The following SLMAP variants were observed in gnomAD, a reference collection of about 807,000 sequenced individuals.
SLMAP encodes sarcolemma associated protein, also known as sarcolemmal membrane-associated protein.
SLMAP carries 44 observed loss-of-function variants against 128.8 expected under a neutral mutation model. That is an observed-to-expected ratio of 0.34 (90% CI 0.27 to 0.44). The LOEUF is 0.44. Among genes scored for constraint, SLMAP ranks in the 20% least tolerant of loss-of-function variants. SLMAP has a pLI of 1.00. For synonymous variants in SLMAP, 327 were observed against 348.8 expected, an observed-to-expected ratio of 0.94 and a Z score of 0.70; for missense variants, 787 against 985.3, an observed-to-expected ratio of 0.80 and a Z score of 2.69.
intron 14 of SLMAP, 154 bp from the exon 15 acceptor site, chr3:57,889,887 T>C (rs544426378): frequency 3.3e-5 from 18 of 539,612 alleles, no homozygotes; most frequent in African/African-American, 3.0e-4. Flanking sequence ...CCAGTTCTCT[T>C]AGTTCCCCTT....
At chr3:57,806,672 T>C (rs190901432) in intron 2 of SLMAP, among the ~76,000 whole-genome samples, 32 of 152,202 alleles carry the variant, frequency 2.1e-4, no homozygotes, top group Non-Finnish European at 5.9e-5. Flanking sequence ...ACTCCTGACC[T>C]CAAGTGATCC....
At chr3:57,798,639 A>G (rs1678729013) in intron 2 of SLMAP, among the ~76,000 whole-genome samples, 1 of 152,168 alleles carries the variant, frequency 6.6e-6, no homozygotes, top group Non-Finnish European at 1.5e-5. Flanking sequence ...GTAAAGCATG[A>G]CCTCTAGTTT....
intron 3 of SLMAP, 102 bp downstream of exon 3, chr3:57,831,632 G>A (rs1362885579): frequency 1.3e-6 from 1 of 784,370 alleles, no homozygotes; most frequent in South Asian, 3.4e-5. Context: ...TTGTGAAAGC[G>A]ATTTAAATAC....
chr3:57,802,281 C>CTT (rs869137271), intron 2 of SLMAP, among the ~76,000 whole-genome samples: 1 of 143,276 alleles, frequency 7.0e-6, no homozygotes, highest in African/African-American at 2.5e-5. Context: ...TCTTTGTGTG[C>CTT]TTTTTTTTTT....
At chr3:57,865,714 A>G (rs2095281463) in intron 13 of SLMAP, among the ~76,000 whole-genome samples, 1 of 152,180 alleles carries the variant, frequency 6.6e-6, no homozygotes, top group Admixed American at 6.5e-5. Context: ...TTGTTTATCC[A>G]TCTGTTTCAT....
At chr3:57,824,832 A>AT (rs1482581641) in intron 2 of SLMAP, among the ~76,000 whole-genome samples, 2 of 152,050 alleles carry the variant, frequency 1.3e-5, no homozygotes, top group Non-Finnish European at 2.9e-5. Flanking sequence ...GGATCTGTGG[A>AT]TTTTTTTGGA....
At chr3:57,871,828 A>G (rs990785505) in intron 14 of SLMAP, 130 bp downstream of exon 14, 1 of 636,680 alleles carries the variant, frequency 1.6e-6, no homozygotes, top group South Asian at 2.1e-5. Context: ...TTTAGACAGC[A>G]GCAAACCTTT....
At chr3:57,835,181 T>C (rs2093575533) in intron 3 of SLMAP, among the ~76,000 whole-genome samples, 1 of 145,910 alleles carries the variant, frequency 6.9e-6, no homozygotes, top group African/African-American at 2.5e-5. Context: ...GGCTCCCACC[T>C]GTAATCCCAG....
intron 2 of SLMAP, among the ~76,000 whole-genome samples, chr3:57,797,108 G>A (rs1362318695): frequency 1.3e-5 from 2 of 151,116 alleles, no homozygotes; most frequent in East Asian, 3.9e-4. Flanking sequence ...CTTGAGCCCA[G>A]GAGTTGGAGG....
intron 2 of SLMAP, among the ~76,000 whole-genome samples, chr3:57,802,154 C>G (rs755935693): frequency 6.6e-6 from 1 of 152,088 alleles, no homozygotes; most frequent in African/African-American, 2.4e-5. Context: ...TATACAGTTA[C>G]GCAACGATCA....
chr3:57,768,924 G>A (rs955811800), intron 2 of SLMAP, among the ~76,000 whole-genome samples: 3 of 151,954 alleles, frequency 2.0e-5, no homozygotes, highest in South Asian at 4.1e-4. Flanking sequence ...GATATGCCCC[G>A]CCAATTTCAT....
intron 18 of SLMAP, 34 bp downstream of exon 18, chr3:57,908,040 G>A (rs1178420870): frequency 6.2e-7 from 1 of 1,607,210 alleles, no homozygotes; most frequent in Non-Finnish European, 8.5e-7. Context: ...CTTTAGGGAT[G>A]TGTGGAGGCA....
At chr3:57,822,092 T>A (rs2092573034) in intron 2 of SLMAP, among the ~76,000 whole-genome samples, 1 of 152,174 alleles carries the variant, frequency 6.6e-6, no homozygotes, top group Admixed American at 6.5e-5. Flanking sequence ...AGGGTTGCTC[T>A]CCATATGATT....
intron 8 of SLMAP, among the ~76,000 whole-genome samples, chr3:57,858,917 GGGCAA>G (rs2094916225): frequency 6.6e-6 from 1 of 152,036 alleles, no homozygotes; most frequent in African/African-American, 2.4e-5. Flanking sequence ...AATGTAGCCT[GGGCAA>G]CAAGAGTGAA....
intron 2 of SLMAP, among the ~76,000 whole-genome samples, chr3:57,813,968 T>C (rs1422069327): frequency 6.6e-6 from 1 of 152,142 alleles, no homozygotes; most frequent in South Asian, 2.1e-4. Flanking sequence ...TGTCTTTTTT[T>C]TTTTAATGGA....
chr3:57,859,196 T>C (rs1298609430), intron 8 of SLMAP, among the ~76,000 whole-genome samples: 1 of 151,586 alleles, frequency 6.6e-6, no homozygotes, highest in African/African-American at 2.4e-5. Flanking sequence ...TGGTGGCATG[T>C]ACCTGTAATC....
intron 14 of SLMAP, among the ~76,000 whole-genome samples, chr3:57,888,531 C>G (rs1328859384): frequency 6.6e-6 from 1 of 151,588 alleles, no homozygotes; most frequent in East Asian, 1.9e-4. Flanking sequence ...GCAGGAGAAT[C>G]ATTTGAACCC....
rs561324165 is a variant in SLMAP, at chr3:57,840,764, A to G, written c.347-535A>G. Reference sequence around the variant, plus strand: ...TGAGACACTAGCAAACAATTCTGATACTTAATAGCAGAGAATTGTGGAAGC... The same window carrying G: ...TGAGACACTAGCAAACAATTCTGATGCTTAATAGCAGAGAATTGTGGAAGC... On this transcript the variant is annotated intron_variant, in intron 3 of 24. Transcript: ENST00000671191. 5.9e-5 allele frequency among the ~76,000 whole-genome samples: 9 copies of G among 152,348 alleles called. No individual in the cohort carries two copies. In the East Asian group the frequency reaches 1.7e-3, roughly 29 times the overall value.
chr3:57,813,130 C>T (rs1415218754), intron 2 of SLMAP, among the ~76,000 whole-genome samples: 4 of 138,292 alleles, frequency 2.9e-5, no homozygotes, highest in Non-Finnish European at 3.0e-5. Flanking sequence ...GAGTCTTGCT[C>T]TGTTGCCCAG....
Sources: allele counts gnomAD v4.1 joint callset (sites outside exome capture counted in the v4.1 genomes callset), GRCh38; gene constraint gnomAD v4.1.1; transcripts MANE v1.5; gene names NCBI Gene and HGNC (gene_info 2026-07-23, HGNC 2026-07-21).